The following C20orf173 variants were observed in gnomAD, a reference collection of about 807,000 sequenced individuals.
The protein encoded by C20orf173 is uncharacterized protein C20orf173.
A neutral mutation model predicts 26.7 loss-of-function variants in C20orf173; 22 were observed. The observed-to-expected ratio is 0.82, with a 90% CI of 0.59 to 1.18. The LOEUF (loss-of-function observed/expected upper bound fraction) is 1.18, where lower values mean the gene tolerates loss of function less well. C20orf173 is among the 50% of genes most tolerant of loss of function. C20orf173 has a pLI of 0.00. For synonymous variants in C20orf173, 85 were observed against 96.4 expected (o/e 0.88, Z 0.69); for missense variants, 210 against 250.3 (o/e 0.84, Z 1.09).
downstream of C20orf173, chr20:35,521,004 A>G (rs2064471740): frequency 6.6e-6 from 1 of 152,274 alleles, no homozygotes; most frequent in African/African-American, 2.4e-5. Context: ...GTAGACAGCA[A>G]TCTTCCTCTC....
intron 5 of C20orf173, among the ~76,000 whole-genome samples, chr20:35,527,815 T>C (rs1398670626): frequency 6.6e-6 from 1 of 152,098 alleles, no homozygotes; most frequent in Non-Finnish European, 1.5e-5. Flanking sequence ...CCACCATGCC[T>C]GGCTATTTTT....
Position 35,528,811 on chromosome 20 carries a change from C to T in C20orf173, c.378G>A (p.Ser126=), listed in dbSNP as rs372916916. 288 of 1,551,278 alleles carry T rather than the reference C, an allele frequency of 1.9e-4. No individual in the cohort carries two copies. Among genetic ancestry groups the T allele is most frequent in the East Asian group, 4.6e-4 (19 of 40,922 alleles). Residue 126 remains serine (S), a synonymous_variant, in exon 3 of 6, where the codon TCG becomes TCA. Coordinates refer to ENST00000444723, the MANE Select transcript of C20orf173 (RefSeq NM_001145350.2). ...CACAATAGAAATCAAAATGGCTCAC[C>T]GAGAGCCTGGGAATCCCTTTAAACA... The part of the protein sequence containing the change: ...RKLFKGIPRL[S]VSHFDFYCGT...
At chr20:35,523,935 G>C (rs2064489020), downstream of C20orf173, among the ~76,000 whole-genome samples, 1 of 152,198 alleles carries the variant, frequency 6.6e-6, no homozygotes, top group Non-Finnish European at 1.5e-5. Flanking sequence ...ATCTTCTGAA[G>C]AGAATTTACT....
downstream of C20orf173, chr20:35,523,480 C>G (rs888515427): frequency 1.3e-5 from 2 of 152,466 alleles, no homozygotes; most frequent in Middle Eastern, 3.4e-3. Flanking sequence ...CCCAAAACCT[C>G]GCTCCTGCCT....
chr20:35,522,363 C>T (rs8118336), downstream of C20orf173: 3,402 of 152,592 alleles, frequency 0.022, 143 homozygotes, highest in African/African-American at 0.077. Flanking sequence ...TCTGTCACTC[C>T]CTACAGTGAC....
chr20:35,520,864 AG>A (rs2147278227), downstream of C20orf173: 1 of 152,352 alleles, frequency 6.6e-6, no homozygotes, highest in South Asian at 2.1e-4. Context: ...GAAATAAGCT[AG>A]GGTTTTATTC....
intron 3 of C20orf173, 62 bp downstream of exon 3, chr20:35,528,639 A>C: frequency 6.5e-7 from 1 of 1,543,066 alleles, no homozygotes; most frequent in Non-Finnish European, 8.8e-7. Flanking sequence ...AGGGGAGCAG[A>C]AACTGATGGA....
At chr20:35,525,396 C>T (rs1255342921), downstream of C20orf173, among the ~76,000 whole-genome samples, 4 of 151,956 alleles carry the variant, frequency 2.6e-5, no homozygotes, top group Admixed American at 2.6e-4. Flanking sequence ...TACTAAAATA[C>T]AAAAAATTAG....
chr20:35,521,766 G>A (rs1002408687), downstream of C20orf173, among the ~76,000 whole-genome samples: 11 of 151,970 alleles, frequency 7.2e-5, 1 homozygote, highest in African/African-American at 1.2e-4. Context: ...GCGCCACCAC[G>A]CCTGGCTAAT....
In C20orf173 at chr20:35,528,825, TC is replaced by T; in HGVS notation, c.363del (p.Ile122PhefsTer6). 1 of 1,551,024 alleles carries T rather than the reference TC, an allele frequency of 6.4e-7. No homozygotes were observed. The highest frequency in any genetic ancestry group is 8.7e-7 in the Non-Finnish European group (1 of 1,146,850). The part of the protein sequence containing the change: ...LGKLWRKLFK[G>X]IPRLSVSHFD... ...AAATGGCTCACCGAGAGCCTGGGAA[TC>T]CCTTTAAACAGCTTCCTCCACAATT... On this transcript the variant is annotated frameshift_variant, in exon 3 of 6. Transcript: ENST00000444723. LOFTEE classifies it high-confidence loss of function.
At chr20:35,528,310 G>C (rs926799499) in intron 4 of C20orf173, 26 bp from the exon 5 acceptor site, 1 of 1,551,864 alleles carries the variant, frequency 6.4e-7, no homozygotes, top group Non-Finnish European at 8.7e-7. Flanking sequence ...AGGTGGGGGA[G>C]TTTGGGCCAC....
rs1338841555 is a variant in C20orf173, at chr20:35,528,226, C to T, written c.*25+7G>A. 1.3e-6 allele frequency: 2 copies of T among 1,551,500 alleles called. No individual in the cohort carries two copies. The highest frequency in any genetic ancestry group is 1.7e-6 in the Non-Finnish European group (2 of 1,146,716). Reference sequence around the variant, plus strand: ...CACATCCTACCCCTTTTCCTATTCCCCCTCACCGTGTCTTTGCTATCTTCC... The same window carrying T: ...CACATCCTACCCCTTTTCCTATTCCTCCTCACCGTGTCTTTGCTATCTTCC... On this transcript the variant is annotated splice_region_variant and intron_variant, in intron 5 of 5. Coordinates refer to ENST00000444723, the MANE Select transcript of C20orf173 (RefSeq NM_001145350.2).
Position 35,528,802 on chromosome 20 carries a change from A to G in C20orf173, c.387T>C (p.His129=). Residue 129 remains histidine, a synonymous_variant, in exon 3 of 6, where the codon CAT becomes CAC. Transcript: ENST00000444723. ...CACAAGTCCCACAATAGAAATCAAA[A>G]TGGCTCACCGAGAGCCTGGGAATCC... ...FKGIPRLSVS[H]FDFYCGTCVL... 1 of 1,551,008 alleles carries G rather than the reference A, an allele frequency of 6.4e-7. No homozygotes were observed. Among genetic ancestry groups the G allele is most frequent in the Non-Finnish European group, 8.7e-7 (1 of 1,146,792 alleles).
chr20:35,527,603 G>A (rs77641737), intron 5 of C20orf173, among the ~76,000 whole-genome samples: 1,695 of 143,844 alleles, frequency 0.012, 27 homozygotes, highest in African/African-American at 0.041. Context: ...GAGGCAAGGG[G>A]AGGAGTCAGA....
At chr20:35,528,962 C>G (rs41307151) in intron 2 of C20orf173, 83 bp from the exon 3 acceptor site, 37 of 1,539,450 alleles carry the variant, frequency 2.4e-5, no homozygotes, top group Non-Finnish European at 3.2e-5. Context: ...CATCCAGAGG[C>G]TGTGAAGACA....
At chr20:35,528,663 C>A (rs776521629) in intron 3 of C20orf173, 38 bp downstream of exon 3, 54 of 1,531,548 alleles carry the variant, frequency 3.5e-5, no homozygotes, top group South Asian at 1.2e-5. Context: ...GTGGGGCAGG[C>A]CTGGCCTTCC....
downstream of C20orf173, chr20:35,523,062 G>A (rs2064484224): frequency 6.6e-6 from 1 of 152,484 alleles, no homozygotes; most frequent in South Asian, 2.1e-4. Flanking sequence ...CTCTGTAGGG[G>A]TTCAACGGTA....
chr20:35,529,326 G>C lies in C20orf173; in HGVS notation c.48C>G (p.Ile16Met), dbSNP rs1484515402. 6.5e-7 allele frequency: 1 copy of C among 1,550,338 alleles called. No homozygotes were observed. Among genetic ancestry groups the C allele is most frequent in the Non-Finnish European group, 8.7e-7 (1 of 1,146,522 alleles). Reference protein sequence around the residue: ...IFVLWVFWVLILWLMTPYLDL... With the variant: ...IFVLWVFWVLMLWLMTPYLDL... ...CCAGATAGGGGGTCATCAGCCAGAG[G>C]ATGAGCACCCAAAAGACCCACAGGA... Residue 16 changes from isoleucine to methionine, a missense_variant, in exon 2 of 6, where the codon ATC (isoleucine) becomes ATG (methionine). Coordinates refer to ENST00000444723, the MANE Select transcript of C20orf173 (RefSeq NM_001145350.2).
Position 35,529,075 on chromosome 20 carries a change from A to C in C20orf173, c.299T>G (p.Leu100Arg). Residue 100 changes from leucine to arginine, a missense_variant, in exon 2 of 6, where the codon CTC (leucine) becomes CGC (arginine). Transcript: ENST00000444723. ...TRESMTSDTV[L>R]WWLGMNSGSE... The stretch of plus-strand genomic sequence containing the variant: ...GTGTTGACCACTGACCAACCACCAG[A>C]GCACAGTGTCAGAGGTCATAGACTC... 6.5e-7 allele frequency: 1 copy of C among 1,550,108 alleles called. No individual in the cohort carries two copies. The highest frequency in any genetic ancestry group is 8.7e-7 in the Non-Finnish European group (1 of 1,145,694).
Sources: allele counts gnomAD v4.1 joint callset (sites outside exome capture counted in the v4.1 genomes callset), GRCh38; gene constraint gnomAD v4.1.1; transcripts MANE v1.5; gene names NCBI Gene and HGNC (gene_info 2026-07-23, HGNC 2026-07-21).